PIWIL4: variants seen among roughly 807,000 people sequenced by gnomAD.
The protein encoded by PIWIL4 is piwi-like protein 4.
PIWIL4 carries 50 observed loss-of-function variants against 100.9 expected under a neutral mutation model. That is an observed-to-expected ratio of 0.50 (90% CI 0.39 to 0.63). The LOEUF is 0.63. Ranked by LOEUF, PIWIL4 falls within the 20% of genes least tolerant of loss-of-function variation. The probability of loss-of-function intolerance (pLI) is 0.00; values close to 1 mark genes in which losing one functional copy is unlikely to be tolerated. For synonymous variants in PIWIL4, 342 were observed against 367.5 expected (o/e 0.93, Z 0.79); for missense variants, 887 against 1,043.3 (o/e 0.85, Z 2.06).
At chr11:94,592,308 T>G (rs143358436) in intron 8 of PIWIL4, among the ~76,000 whole-genome samples, 1 of 152,360 alleles carries the variant, frequency 6.6e-6, no homozygotes, top group East Asian at 1.9e-4. Context: ...TTCATCAGTT[T>G]GTTGTGCTTT....
At chr11:94,586,258 G>A (rs1038915693) in intron 6 of PIWIL4, among the ~76,000 whole-genome samples, 4 of 151,944 alleles carry the variant, frequency 2.6e-5, no homozygotes, top group African/African-American at 9.7e-5. Flanking sequence ...AATCTCATAG[G>A]TGCTGATTGT....
chr11:94,590,349 C>T (rs1173887681), intron 8 of PIWIL4, among the ~76,000 whole-genome samples: 2 of 152,188 alleles, frequency 1.3e-5, no homozygotes, highest in Admixed American at 6.5e-5. Context: ...TCCTTGACTC[C>T]TGGGACACAT....
chr11:94,603,055 G>A (rs1948665580), intron 12 of PIWIL4, among the ~76,000 whole-genome samples: 1 of 152,122 alleles, frequency 6.6e-6, no homozygotes. Flanking sequence ...TTTTTTCCAT[G>A]AAGTATCCAT....
intron 4 of PIWIL4, among the ~76,000 whole-genome samples, chr11:94,577,979 C>T (rs1421504525): frequency 1.3e-5 from 2 of 152,102 alleles, no homozygotes; most frequent in Non-Finnish European, 2.9e-5. Context: ...CATTTTTCTG[C>T]TCAAGCTTTG....
At chr11:94,574,970 G>T in intron 2 of PIWIL4, 29 bp from the exon 3 acceptor site, 1 of 1,601,130 alleles carries the variant, frequency 6.2e-7, no homozygotes, top group Non-Finnish European at 8.5e-7. Context: ...TGAAATATTA[G>T]CTGTTACCAC....
chr11:94,596,031 G>A (rs549832891), intron 10 of PIWIL4, among the ~76,000 whole-genome samples: 7 of 152,028 alleles, frequency 4.6e-5, no homozygotes, highest in Admixed American at 3.3e-4. Context: ...TGGCTGCTGC[G>A]CACTTGAAAT....
chr11:94,609,233 A>G (rs1479374587), intron 15 of PIWIL4, among the ~76,000 whole-genome samples: 1 of 152,244 alleles, frequency 6.6e-6, no homozygotes, highest in Non-Finnish European at 1.5e-5. Context: ...TAAATACTCA[A>G]TACATACTTC....
chr11:94,602,049 G>A (rs1283534877), intron 12 of PIWIL4, 70 bp downstream of exon 12: 3 of 1,410,118 alleles, frequency 2.1e-6, no homozygotes, highest in African/African-American at 2.9e-5. Context: ...AATGGCAGAT[G>A]TATCAACAAA....
At chr11:94,594,797 G>A (rs111612521) in intron 9 of PIWIL4, among the ~76,000 whole-genome samples, 173 of 152,234 alleles carry the variant, frequency 1.1e-3, no homozygotes, top group Non-Finnish European at 1.6e-3. Flanking sequence ...CTCCCAAAGC[G>A]CTGGGATTAC....
chr11:94,578,094 C>T (rs893311184), intron 4 of PIWIL4, among the ~76,000 whole-genome samples: 4 of 152,124 alleles, frequency 2.6e-5, no homozygotes, highest in Non-Finnish European at 5.9e-5. Context: ...AAACTATTGC[C>T]ATGACCTTTG....
chr11:94,597,660 C>T, intron 10 of PIWIL4, 144 bp from the exon 11 acceptor site: 2 of 589,200 alleles, frequency 3.4e-6, no homozygotes, highest in South Asian at 4.4e-5. Flanking sequence ...CACAGTTGTC[C>T]CGTAATTCTT....
intron 5 of PIWIL4, among the ~76,000 whole-genome samples, chr11:94,584,723 AG>A (rs2135255486): frequency 6.6e-6 from 1 of 152,280 alleles, no homozygotes; most frequent in African/African-American, 2.4e-5. Context: ...CTGAAGACAC[AG>A]TCTTGGTCAT....
chr11:94,587,946 A>T (rs1292870646), intron 7 of PIWIL4, among the ~76,000 whole-genome samples: 1 of 152,068 alleles, frequency 6.6e-6, no homozygotes, highest in Non-Finnish European at 1.5e-5. Flanking sequence ...GTCCAAGAAC[A>T]CTTTTTAAAA....
At position 94,593,796 on chromosome 11, in the gene PIWIL4, A is replaced by C. The variant is rs982882011; in HGVS notation, c.1150+155A>C. Among the ~76,000 whole-genome samples the C allele has an allele frequency of 3.3e-5, 5 of 152,300 alleles. No individual in the cohort carries two copies. The South Asian group carries it at 8.3e-4, about 25-fold the overall frequency. ...AAGTAATTTATTCAATAATAGAGAC[A>C]TGTTGGGGGAATCGATTCCCTTTAT... On this transcript the variant is annotated intron_variant, in intron 9 of 19. Coordinates refer to ENST00000299001, the MANE Select transcript of PIWIL4 (RefSeq NM_152431.3).
chr11:94,591,116 A>G (rs1948479760), intron 8 of PIWIL4, among the ~76,000 whole-genome samples: 1 of 152,186 alleles, frequency 6.6e-6, no homozygotes, highest in South Asian at 2.1e-4. Flanking sequence ...AGTGGAGACC[A>G]TGCTCCTCCT....
intron 7 of PIWIL4, 124 bp from the exon 8 acceptor site, chr11:94,588,997 T>G: frequency 1.5e-6 from 1 of 651,756 alleles, no homozygotes; most frequent in African/African-American, 1.8e-5. Context: ...ATATTCTTGT[T>G]TTATTGTTTT....
rs141564258 is a variant in PIWIL4, at chr11:94,574,947, A to G, written c.167-52A>G. 4.0e-5 allele frequency: 63 copies of G among 1,562,216 alleles called. No homozygotes were observed. The African/African-American group carries it at 7.1e-4, about 17-fold the overall frequency. ...CATTTTTGACATAGTAGTTGCAAAC[A>G]GTATCACTAGAATGAAATATTAGCT... On this transcript the variant is annotated intron_variant, in intron 2 of 19. Coordinates refer to ENST00000299001, the MANE Select transcript of PIWIL4 (RefSeq NM_152431.3).
At chr11:94,569,205 A>G (rs1316526227) in intron 2 of PIWIL4, among the ~76,000 whole-genome samples, 2 of 152,242 alleles carry the variant, frequency 1.3e-5, no homozygotes, top group Non-Finnish European at 2.9e-5. Context: ...TTGCAGCACT[A>G]TTCACAATAG....
At chr11:94,591,457 C>T (rs1948484348) in intron 8 of PIWIL4, among the ~76,000 whole-genome samples, 2 of 152,214 alleles carry the variant, frequency 1.3e-5, no homozygotes, top group Admixed American at 6.5e-5. Flanking sequence ...AACACGTATT[C>T]CTTGGAGAGC....
Sources: allele counts gnomAD v4.1 joint callset (sites outside exome capture counted in the v4.1 genomes callset), GRCh38; gene constraint gnomAD v4.1.1; transcripts MANE v1.5; gene names NCBI Gene and HGNC (gene_info 2026-07-23, HGNC 2026-07-21).